Variants in MTREX observed in about 807,000 individuals in gnomAD.
The protein encoded by MTREX is exosome RNA helicase MTR4.
In MTREX, 76 loss-of-function variants were observed where a neutral mutation model predicts 135.4. That is an observed-to-expected ratio of 0.56 (90% confidence interval 0.47 to 0.68). The LOEUF is 0.68. Ranked by LOEUF, MTREX falls within the 30% of genes least tolerant of loss-of-function variation. The pLI is 0.00. For synonymous variants in MTREX, 404 were observed against 401.6 expected, an observed-to-expected ratio of 1.01 and a Z score of -0.07; for missense variants, 920 against 1,262.1, an observed-to-expected ratio of 0.73 and a Z score of 4.11.
chr5:55,395,762 A>G (rs1480321921), intron 19 of MTREX, among the ~76,000 whole-genome samples: 1 of 152,230 alleles, frequency 6.6e-6, no homozygotes, highest in African/African-American at 2.4e-5. Flanking sequence ...TCATAACTAG[A>G]GAAACCCAAA....
At chr5:55,313,443 AAAAAG>A in intron 1 of MTREX, among the ~76,000 whole-genome samples, 1 of 152,126 alleles carries the variant, frequency 6.6e-6, no homozygotes, top group South Asian at 2.1e-4. Flanking sequence ...ATGTCTCAAA[AAAAAG>A]AAAAGAAAAT....
chr5:55,373,784 G>A (rs1750246071), intron 16 of MTREX, among the ~76,000 whole-genome samples: 1 of 152,106 alleles, frequency 6.6e-6, no homozygotes, highest in Middle Eastern at 3.4e-3. Flanking sequence ...GGTAGGGGTG[G>A]GGGCAGTCTT....
At chr5:55,418,188 T>G (rs1751001309) in intron 25 of MTREX, among the ~76,000 whole-genome samples, 1 of 146,750 alleles carries the variant, frequency 6.8e-6, no homozygotes, top group Non-Finnish European at 1.5e-5. Context: ...GAGCTGAGAT[T>G]GTGCCACTGC....
intron 18 of MTREX, among the ~76,000 whole-genome samples, chr5:55,379,573 G>GACACAC (rs60169736): frequency 0.013 from 1,899 of 143,876 alleles, 13 homozygotes; most frequent in South Asian, 0.033. Context: ...AAATCTCCCT[G>GACACAC]ACACACACAC....
At chr5:55,323,539 C>T (rs944101394) in intron 2 of MTREX, among the ~76,000 whole-genome samples, 2 of 152,058 alleles carry the variant, frequency 1.3e-5, no homozygotes, top group African/African-American at 4.8e-5. Context: ...TCTCCTGCCT[C>T]AATGTCTTGA....
chr5:55,338,930 A>G (rs1390231487), intron 5 of MTREX, among the ~76,000 whole-genome samples: 2 of 151,434 alleles, frequency 1.3e-5, no homozygotes, highest in Non-Finnish European at 2.9e-5. Context: ...AGCTGGGATT[A>G]CAAATGTACA....
intron 22 of MTREX, among the ~76,000 whole-genome samples, chr5:55,409,180 G>A (rs1750850697): frequency 1.3e-5 from 2 of 151,932 alleles, no homozygotes; most frequent in South Asian, 4.1e-4. Flanking sequence ...TTGAACTCCT[G>A]GGCTCAAGAG....
intron 5 of MTREX, 130 bp downstream of exon 5, chr5:55,328,941 T>C (rs930653446): frequency 1.9e-6 from 1 of 540,354 alleles, no homozygotes; most frequent in African/African-American, 1.9e-5. Context: ...TTTTCATGTC[T>C]TATTGAACCT....
intron 1 of MTREX, among the ~76,000 whole-genome samples, chr5:55,311,998 A>C (rs189879492): frequency 6.6e-6 from 1 of 152,240 alleles, no homozygotes; most frequent in Non-Finnish European, 1.5e-5. Context: ...ATTACATCAT[A>C]ATGTCTGAAT....
At chr5:55,348,107 C>G (rs1029881154) in intron 11 of MTREX, among the ~76,000 whole-genome samples, 14 of 152,078 alleles carry the variant, frequency 9.2e-5, no homozygotes, top group Admixed American at 2.6e-4. Context: ...TTATGAAAGG[C>G]AGAAATTTAT....
At chr5:55,381,940 A>G (rs926963188) in intron 18 of MTREX, among the ~76,000 whole-genome samples, 1 of 151,980 alleles carries the variant, frequency 6.6e-6, no homozygotes, top group African/African-American at 2.4e-5. Context: ...GTTAAAATGT[A>G]TTTTGTTTTG....
Position 55,378,497 on chromosome 5 carries a change from G to A in MTREX, c.1983+11G>A. On this transcript the variant is annotated intron_variant, in intron 17 of 26. Coordinates refer to ENST00000230640, the MANE Select transcript of MTREX (RefSeq NM_015360.5). ...GGTCGTTTGGTAAAGGTATGTCATT[G>A]TTTCTTCATAAAATACTTGAATAAT... 6.3e-7 allele frequency: 1 copy of A among 1,588,416 alleles called. No homozygotes were observed. Among genetic ancestry groups the A allele is most frequent in the Non-Finnish European group, 8.5e-7 (1 of 1,172,190 alleles).
chr5:55,410,197 T>G (rs944139240), intron 22 of MTREX, among the ~76,000 whole-genome samples: 1 of 152,198 alleles, frequency 6.6e-6, no homozygotes, highest in Non-Finnish European at 1.5e-5. Flanking sequence ...TGAAAAATAA[T>G]TAAAAGAGTC....
intron 5 of MTREX, among the ~76,000 whole-genome samples, chr5:55,337,926 A>G (rs1390187759): frequency 6.6e-6 from 1 of 152,022 alleles, no homozygotes; most frequent in Non-Finnish European, 1.5e-5. Flanking sequence ...TGGGGCTTAC[A>G]GTATGCATGT....
Position 55,349,637 on chromosome 5 carries a change from T to C in MTREX, c.1305T>C (p.Asp435=), listed in dbSNP as rs753442388. The change falls in exon 12 of 27, where the codon GAT becomes GAC. Residue 435 remains aspartate, a synonymous_variant. Coordinates refer to ENST00000230640, the MANE Select transcript of MTREX (RefSeq NM_015360.5). ...SNAIDCLSDE[D]KKLPQVEHVL... The stretch of plus-strand genomic sequence containing the variant: ...CAATTGATTGCTTATCCGATGAAGA[T>C]AAAAAACTCCCTCAGGTGAGTTTTC... 2.5e-6 allele frequency: 4 copies of C among 1,591,550 alleles called. No homozygotes were observed. Among genetic ancestry groups the C allele is most frequent in the Admixed American group, 1.7e-5 (1 of 59,870 alleles).
At chr5:55,363,234 CATTT>C (rs1045105435) in intron 15 of MTREX, among the ~76,000 whole-genome samples, 10 of 152,288 alleles carry the variant, frequency 6.6e-5, no homozygotes, top group South Asian at 2.1e-4. Context: ...GGAAGACTCA[CATTT>C]ATTTATTTCC....
intron 1 of MTREX, among the ~76,000 whole-genome samples, chr5:55,319,894 C>G (rs1749260753): frequency 6.6e-6 from 1 of 152,168 alleles, no homozygotes; most frequent in Non-Finnish European, 1.5e-5. Flanking sequence ...CTTTAACCAG[C>G]TCCTAATAGA....
chr5:55,351,264 G>C (rs1378791425), intron 13 of MTREX, among the ~76,000 whole-genome samples: 4 of 152,048 alleles, frequency 2.6e-5, no homozygotes, highest in Non-Finnish European at 5.9e-5. Flanking sequence ...AGGGTACAGT[G>C]GCTCACACCT....
At chr5:55,418,640 G>A (rs1453792765) in intron 25 of MTREX, among the ~76,000 whole-genome samples, 4 of 151,900 alleles carry the variant, frequency 2.6e-5, no homozygotes, top group African/African-American at 7.3e-5. Context: ...TTTTTCTTGT[G>A]TGTGAGCCAG....
Sources: allele counts gnomAD v4.1 joint callset (sites outside exome capture counted in the v4.1 genomes callset), GRCh38; gene constraint gnomAD v4.1.1; transcripts MANE v1.5; gene names NCBI Gene and HGNC (gene_info 2026-07-23, HGNC 2026-07-21).